Variants in STK24 observed in about 807,000 individuals in gnomAD.
The protein encoded by STK24 is serine/threonine-protein kinase 24.
In STK24, 21 loss-of-function variants were observed where a neutral mutation model predicts 55.6. The ratio of observed to expected loss-of-function variants is 0.38; its 90% CI spans 0.27 to 0.54. The LOEUF (loss-of-function observed/expected upper bound fraction) is 0.54, where lower values mean the gene tolerates loss of function less well. STK24 is among the 20% of genes least tolerant of loss of function. The pLI is 0.79. For synonymous variants in STK24, 200 were observed against 215.2 expected, an observed-to-expected ratio of 0.93 and a Z score of 0.62; for missense variants, 383 against 538.4, an observed-to-expected ratio of 0.71 and a Z score of 2.86.
intron 1 of STK24, among the ~76,000 whole-genome samples, chr13:98,542,207 C>A (rs534146582): frequency 6.6e-6 from 1 of 152,090 alleles, no homozygotes; most frequent in African/African-American, 2.4e-5. Flanking sequence ...CCGACCCTAG[C>A]GCTGACTGAT....
intron 1 of STK24, among the ~76,000 whole-genome samples, chr13:98,525,331 C>A (rs915824944): frequency 1.3e-5 from 2 of 152,184 alleles, no homozygotes; most frequent in Admixed American, 6.5e-5. Flanking sequence ...CCCCACAGCC[C>A]GTGCCTGAAA....
chr13:98,450,431 G>A lies in STK24; in HGVS notation c.*2742C>T, dbSNP rs923090437. 2 of 150,978 alleles carry A rather than the reference G, an allele frequency of 1.3e-5. No individual in the cohort carries two copies. The highest frequency in any genetic ancestry group is 3.0e-5 in the Non-Finnish European group (2 of 67,232). The allele number at this position is 150,978 out of a possible 1,614,324, so 9.4% of individuals were successfully genotyped here. ...CAGCCACTTCACAAGAGCAATGCAGGGATAAAACTATTGGATAAGGAAGGC... is the reference window on the plus strand; with the variant it reads ...CAGCCACTTCACAAGAGCAATGCAGAGATAAAACTATTGGATAAGGAAGGC... On this transcript the variant is annotated 3_prime_UTR_variant, in exon 11 of 11. Coordinates refer to ENST00000539966, the MANE Select transcript of STK24 (RefSeq NM_001032296.4).
intron 1 of STK24, among the ~76,000 whole-genome samples, chr13:98,568,077 G>A (rs1897635782): frequency 6.6e-6 from 1 of 151,510 alleles, no homozygotes; most frequent in Admixed American, 6.6e-5. Flanking sequence ...TCGGCTCCCT[G>A]CAACTTCCGT....
chr13:98,563,615 T>G (rs940170338), intron 1 of STK24, among the ~76,000 whole-genome samples: 1 of 152,044 alleles, frequency 6.6e-6, no homozygotes, highest in Non-Finnish European at 1.5e-5. Context: ...TCCCAACATT[T>G]TGGGAGGCTG....
intron 3 of STK24, 59 bp from the exon 4 acceptor site, chr13:98,475,417 G>C: frequency 8.1e-7 from 1 of 1,234,650 alleles, no homozygotes; most frequent in South Asian, 1.4e-5. Context: ...AAAAGTTTGA[G>C]ATAAAACAGA....
intron 1 of STK24, among the ~76,000 whole-genome samples, chr13:98,565,658 G>C (rs1380397302): frequency 6.7e-6 from 1 of 150,220 alleles, no homozygotes; most frequent in Non-Finnish European, 1.5e-5. Flanking sequence ...AATTATATTC[G>C]ATTAGAGGGT....
chr13:98,545,190 A>G (rs1896997816), intron 1 of STK24, among the ~76,000 whole-genome samples: 1 of 152,234 alleles, frequency 6.6e-6, no homozygotes, highest in African/African-American at 2.4e-5. Context: ...GCACACATTC[A>G]AAGAAAACAT....
chr13:98,494,245 A>C, intron 2 of STK24, among the ~76,000 whole-genome samples: 1 of 148,764 alleles, frequency 6.7e-6, no homozygotes, highest in African/African-American at 2.5e-5. Flanking sequence ...CCCCGTCTCT[A>C]CTAAAAATAC....
chr13:98,569,835 A>C (rs1242853706), intron 1 of STK24, among the ~76,000 whole-genome samples: 1 of 140,234 alleles, frequency 7.1e-6, no homozygotes, highest in African/African-American at 2.6e-5. Context: ...AAGTCTATAG[A>C]CAATGCCTGA....
chr13:98,512,002 G>C (rs12146952), intron 2 of STK24, among the ~76,000 whole-genome samples: 38,572 of 150,408 alleles, frequency 0.26, 5,103 homozygotes, highest in Non-Finnish European at 0.3. Context: ...CTCGTGCCTC[G>C]GCCTCCCAAT....
At chr13:98,463,596 A>C (rs1893802366) in intron 7 of STK24, 95 bp downstream of exon 7, 1 of 1,416,814 alleles carries the variant, frequency 7.1e-7, no homozygotes, top group African/African-American at 1.4e-5. Context: ...AAAAAAAAAA[A>C]AAACTCAACA....
At chr13:98,557,016 C>T (rs1897303685) in intron 1 of STK24, among the ~76,000 whole-genome samples, 1 of 152,210 alleles carries the variant, frequency 6.6e-6, no homozygotes, top group Admixed American at 6.5e-5. Flanking sequence ...CAGCACCTCG[C>T]ACCCCATCCA....
intron 1 of STK24, among the ~76,000 whole-genome samples, chr13:98,565,746 C>T (rs1897550506): frequency 6.6e-6 from 1 of 152,152 alleles, no homozygotes; most frequent in African/African-American, 2.4e-5. Flanking sequence ...AGGAGCCAGT[C>T]AGCAGCTCCA....
intron 8 of STK24, among the ~76,000 whole-genome samples, chr13:98,461,034 AC>A (rs1439047058): frequency 7.1e-6 from 1 of 140,302 alleles, no homozygotes; most frequent in Non-Finnish European, 1.6e-5. Flanking sequence ...GGCAACAGAG[AC>A]CCCGTCTCAA....
chr13:98,516,113 C>T (rs1277963957), intron 2 of STK24, among the ~76,000 whole-genome samples: 1 of 152,230 alleles, frequency 6.6e-6, no homozygotes, highest in Non-Finnish European at 1.5e-5. Context: ...AATTTCATGA[C>T]ACTCCATTAC....
rs553778604 is a variant in STK24 at position 98,561,488 on chromosome 13, G to A, written c.42+15257C>T. ...TCCTAGCTACTGGGGAGGCTGAGGC[G>A]CGAGAATCACTTGAAGCCGGGAGGC... On this transcript the variant is annotated intron_variant, in intron 1 of 10. Transcript: ENST00000539966. Among the ~76,000 whole-genome samples, 16 of 152,082 alleles carry A rather than the reference G, an allele frequency of 1.1e-4. No homozygotes were observed. In the South Asian group the frequency reaches 1.5e-3, roughly 14 times the overall value.
rs556240616 is a variant in STK24, at chr13:98,457,487, T to G, written c.1123-183A>C. The stretch of plus-strand genomic sequence containing the variant: ...TTGCTTTTTTTTTTTTTTTTTTTTG[T>G]GAGACGGAGTCTGGCTTTGTTGCTC... On this transcript the variant is annotated intron_variant, in intron 9 of 10. Coordinates refer to ENST00000539966, the MANE Select transcript of STK24 (RefSeq NM_001032296.4). Among the ~76,000 whole-genome samples, 36 of 90,750 alleles carry G rather than the reference T, an allele frequency of 4.0e-4. 1 individual carries two copies. The South Asian group carries it at 0.011, about 28-fold the overall frequency. 59.5% of individuals were successfully genotyped at this position (90,750 alleles called of 152,430 possible).
intron 8 of STK24, 31 bp from the exon 9 acceptor site, chr13:98,460,471 A>C: frequency 6.3e-7 from 1 of 1,587,892 alleles, no homozygotes; most frequent in Non-Finnish European, 8.6e-7. Flanking sequence ...AGGTCATCAG[A>C]AACAGTTGAC....
intron 2 of STK24, among the ~76,000 whole-genome samples, chr13:98,499,608 GA>G (rs1301323754): frequency 2.0e-5 from 3 of 152,188 alleles, no homozygotes; most frequent in Admixed American, 1.3e-4. Flanking sequence ...CTGAGAAGGA[GA>G]GGGGGCAGGC....
Sources: gnomAD v4.1 joint callset for allele counts (sites outside exome capture counted in the v4.1 genomes callset) on GRCh38, gnomAD v4.1.1 for gene constraint, MANE v1.5 for transcripts, NCBI Gene and HGNC (gene_info 2026-07-23, HGNC 2026-07-21) for gene names.